The following RMDN2 variants were observed in gnomAD, a reference collection of about 807,000 sequenced individuals.
RMDN2 encodes the protein regulator of microtubule dynamics protein 2.
RMDN2 carries 61 observed loss-of-function variants against 52.8 expected under a neutral mutation model. The observed-to-expected ratio is 1.16, with a 90% CI of 0.94 to 1.43. The LOEUF is 1.43. Ranked by LOEUF, RMDN2 falls within the 40% of genes most tolerant of loss-of-function variation. The pLI, the probability that RMDN2 is intolerant of heterozygous loss-of-function variation, is 0.00. For synonymous variants in RMDN2, 180 were observed against 153.1 expected, an observed-to-expected ratio of 1.18 and a Z score of -1.30; for missense variants, 592 against 475.3, an observed-to-expected ratio of 1.25 and a Z score of -2.28.
chr2:37,994,097 A>G (rs1221861497), intron 7 of RMDN2, among the ~76,000 whole-genome samples: 1 of 152,200 alleles, frequency 6.6e-6, no homozygotes, highest in Non-Finnish European at 1.5e-5. Flanking sequence ...CCCAACAATG[A>G]TGAGTTCACA....
At chr2:38,035,256 T>C (rs1290514694) in intron 10 of RMDN2, among the ~76,000 whole-genome samples, 1 of 152,058 alleles carries the variant, frequency 6.6e-6, no homozygotes, top group East Asian at 1.9e-4. Flanking sequence ...TAGGAATAAA[T>C]ATAAGAATCA....
At chr2:37,981,185 G>C in intron 4 of RMDN2, 98 bp from the exon 5 acceptor site, 2 of 803,990 alleles carry the variant, frequency 2.5e-6, no homozygotes, top group South Asian at 2.8e-5. Context: ...GATGCTTCTG[G>C]TCTTGGGACC....
intron 10 of RMDN2, among the ~76,000 whole-genome samples, chr2:38,016,125 C>T (rs983926617): frequency 6.6e-6 from 1 of 152,236 alleles, no homozygotes; most frequent in Non-Finnish European, 1.5e-5. Flanking sequence ...GAGTAACACA[C>T]TGTATCAGTG....
chr2:37,929,893 C>T (rs1666580862), intron 2 of RMDN2, among the ~76,000 whole-genome samples, 164 bp downstream of exon 2: 1 of 152,126 alleles, frequency 6.6e-6, no homozygotes, highest in African/African-American at 2.4e-5. Context: ...ATTCAGTAGT[C>T]AGTATTTAAG....
At chr2:38,055,087 T>C (rs184778967) in intron 10 of RMDN2, among the ~76,000 whole-genome samples, 1 of 152,288 alleles carries the variant, frequency 6.6e-6, no homozygotes, top group East Asian at 1.9e-4. Flanking sequence ...CTCTGAGATG[T>C]CTTTCAAATC....
intron 8 of RMDN2, 168 bp downstream of exon 8, chr2:37,997,682 A>G: frequency 1.7e-6 from 1 of 588,368 alleles, no homozygotes; most frequent in Non-Finnish European, 3.0e-6. Flanking sequence ...AATATGTTTT[A>G]AGTCTAAACT....
chr2:37,970,174 C>T (rs1214660298), intron 2 of RMDN2, among the ~76,000 whole-genome samples: 1 of 152,158 alleles, frequency 6.6e-6, no homozygotes, highest in Non-Finnish European at 1.5e-5. Flanking sequence ...CTCAAGTGAT[C>T]TTCCTGCCTC....
At chr2:37,979,336 C>T (rs1312941487) in intron 4 of RMDN2, among the ~76,000 whole-genome samples, 1 of 152,120 alleles carries the variant, frequency 6.6e-6, no homozygotes, top group African/African-American at 2.4e-5. Flanking sequence ...CAATTATATT[C>T]AGTGTATAAG....
At chr2:37,950,338 T>C in intron 2 of RMDN2, 1 of 1,010,728 alleles carries the variant, frequency 9.9e-7, no homozygotes, top group Non-Finnish European at 1.5e-6. Flanking sequence ...TAGAAACACA[T>C]TCCACAGCCA....
intron 10 of RMDN2, among the ~76,000 whole-genome samples, chr2:38,040,318 A>C (rs1047083565): frequency 6.6e-6 from 1 of 152,266 alleles, no homozygotes; most frequent in African/African-American, 2.4e-5. Flanking sequence ...GCATCCTCCT[A>C]AAATTCACAT....
intron 10 of RMDN2, among the ~76,000 whole-genome samples, chr2:38,065,793 A>T (rs902777391): frequency 3.9e-5 from 6 of 152,182 alleles, no homozygotes; most frequent in Admixed American, 2.6e-4. Context: ...AAGTTTTAGG[A>T]TTATAAGACA....
At chr2:38,066,002 G>A (rs935631559) in intron 10 of RMDN2, among the ~76,000 whole-genome samples, 5 of 152,060 alleles carry the variant, frequency 3.3e-5, no homozygotes, top group Non-Finnish European at 7.4e-5. Flanking sequence ...AAAAATAGAC[G>A]GACTACCCTA....
chr2:38,004,134 A>T lies in RMDN2; in HGVS notation c.1099-2A>T, dbSNP rs768328849. The T allele has an allele frequency of 6.2e-7, 1 of 1,613,262 alleles. No individual in the cohort carries two copies. Among genetic ancestry groups the T allele is most frequent in the South Asian group, 1.1e-5 (1 of 91,064 alleles). On this transcript the variant is annotated splice_acceptor_variant, in intron 9 of 10. Transcript: ENST00000354545. LOFTEE classifies it high-confidence loss of function. Reference sequence around the variant, plus strand: ...TTAATATTGGTTATTTCTCATTTCCAGTGTTATACTGATCTTGAGGAAAAC... The same window carrying T: ...TTAATATTGGTTATTTCTCATTTCCTGTGTTATACTGATCTTGAGGAAAAC...
intron 10 of RMDN2, among the ~76,000 whole-genome samples, chr2:38,046,428 A>G (rs757860890): frequency 6.6e-5 from 10 of 152,044 alleles, no homozygotes; most frequent in East Asian, 1.9e-4. Context: ...AGCAGCAGAG[A>G]AAAAAAAGCA....
In RMDN2 at chr2:37,929,295, CAA is replaced by C. The variant is rs1250389539; in HGVS notation, c.20_21del (p.Lys7ArgfsTer25). The C allele has an allele frequency of 5.9e-6, 9 of 1,530,104 alleles. No homozygotes were observed. In the East Asian group the frequency reaches 9.8e-5, roughly 17 times the overall value. 94.8% of individuals were successfully genotyped at this position (1,530,104 alleles called of 1,614,324 possible). On this transcript the variant is annotated frameshift_variant, in exon 2 of 11. Transcript: ENST00000354545. LOFTEE classifies it high-confidence loss of function. MPYSTN[K>X]ELILGIMVGT... is the part of the protein sequence containing the mutation. The stretch of plus-strand genomic sequence containing the variant: ...ACCAAGAAATGCCTTATTCCACAAA[CAA>C]AGAGTTGATACTTGGCATCATGGTG...
At chr2:37,921,119 T>C (rs902753340), upstream of RMDN2, among the ~76,000 whole-genome samples, 3 of 152,208 alleles carry the variant, frequency 2.0e-5, no homozygotes, top group African/African-American at 7.2e-5. Context: ...ATAAATATCG[T>C]TGTTAATTTT....
intron 1 of RMDN2, among the ~76,000 whole-genome samples, chr2:37,926,018 T>G (rs1006495912): frequency 2.6e-5 from 4 of 152,186 alleles, no homozygotes; most frequent in Non-Finnish European, 5.9e-5. Flanking sequence ...AGAATTCACT[T>G]CGAAAGTACC....
intron 6 of RMDN2, among the ~76,000 whole-genome samples, chr2:37,990,336 T>A (rs958920091): frequency 6.7e-6 from 1 of 150,086 alleles, no homozygotes; most frequent in African/African-American, 2.5e-5. Flanking sequence ...CTGGCCAACA[T>A]GGTGAAACCC....
chr2:37,923,909 T>C (rs376308422), upstream of RMDN2, among the ~76,000 whole-genome samples: 1 of 152,072 alleles, frequency 6.6e-6, no homozygotes, highest in Non-Finnish European at 1.5e-5. Flanking sequence ...GCCACCACAC[T>C]CGGCTAATTT....
Sources: gnomAD v4.1 joint callset for allele counts (sites outside exome capture counted in the v4.1 genomes callset) on GRCh38, gnomAD v4.1.1 for gene constraint, MANE v1.5 for transcripts, NCBI Gene and HGNC (gene_info 2026-07-23, HGNC 2026-07-21) for gene names.